Variants in INO80 observed in about 807,000 individuals in gnomAD.
The protein encoded by INO80 is INO80 complex ATPase subunit.
INO80 carries 20 observed loss-of-function variants against 203.4 expected under a neutral mutation model. The observed-to-expected ratio is 0.10, with a 90% CI of 0.07 to 0.14. The LOEUF is 0.14. Among genes scored for constraint, INO80 ranks in the 10% least tolerant of loss-of-function variants. INO80 has a pLI of 1.00. For synonymous variants in INO80, 726 were observed against 685.2 expected (o/e 1.06, Z -0.93); for missense variants, 1,419 against 1,914.4 (o/e 0.74, Z 4.83).
intron 29 of INO80, among the ~76,000 whole-genome samples, chr15:40,990,780 G>T (rs1410666864): frequency 6.6e-6 from 1 of 152,276 alleles, no homozygotes; most frequent in South Asian, 2.1e-4. Context: ...TGAACTTTCA[G>T]GGAGAACAGA....
intron 1 of INO80, among the ~76,000 whole-genome samples, chr15:41,104,868 T>C (rs1002437465): frequency 6.6e-6 from 1 of 152,164 alleles, no homozygotes; most frequent in Non-Finnish European, 1.5e-5. Flanking sequence ...TTGTACAGAA[T>C]TATGTATTCT....
In INO80 at chr15:41,035,337, G is replaced by A. The variant is rs538353925; in HGVS notation, c.2908-7601C>T. Among the ~76,000 whole-genome samples, 5 of 152,244 alleles carry A rather than the reference G, an allele frequency of 3.3e-5. No homozygotes were observed. The South Asian group carries it at 1.0e-3, about 32-fold the overall frequency. On this transcript the variant is annotated intron_variant, in intron 24 of 35. Coordinates refer to ENST00000648947, the MANE Select transcript of INO80 (RefSeq NM_017553.3). ...CACACCTGATCCTAACACTCTGGGA[G>A]GCTGAGGCAGGGGAATCCCTTGAGG... is the stretch of plus-strand genomic sequence containing the variant.
chr15:41,037,199 CT>C (rs796785451), intron 24 of INO80, among the ~76,000 whole-genome samples: 398 of 142,178 alleles, frequency 2.8e-3, no homozygotes, highest in Middle Eastern at 0.011. Flanking sequence ...CTTAATAGGA[CT>C]TTTTTTTTTT....
chr15:41,057,665 T>A (rs900195784), intron 16 of INO80, among the ~76,000 whole-genome samples: 1 of 150,520 alleles, frequency 6.6e-6, no homozygotes, highest in Non-Finnish European at 1.5e-5. Context: ...GACATGGTGG[T>A]GAGCACTTGT....
At chr15:40,989,881 T>C (rs1246664819) in intron 29 of INO80, among the ~76,000 whole-genome samples, 1 of 152,216 alleles carries the variant, frequency 6.6e-6, no homozygotes, top group Non-Finnish European at 1.5e-5. Flanking sequence ...ACACCTCTTA[T>C]TGCTCAAGCT....
intron 27 of INO80, among the ~76,000 whole-genome samples, chr15:41,013,472 C>T (rs529075289): frequency 1.3e-5 from 2 of 152,248 alleles, no homozygotes; most frequent in East Asian, 3.9e-4. Context: ...CTGAAAAACA[C>T]TCTTTCAAAG....
chr15:41,103,002 C>A (rs1269847206), intron 1 of INO80, among the ~76,000 whole-genome samples: 1 of 152,178 alleles, frequency 6.6e-6, no homozygotes, highest in African/African-American at 2.4e-5. Context: ...GCACAGCATA[C>A]AATCCACATT....
chr15:41,079,510 C>CG (rs1335353827), intron 9 of INO80, among the ~76,000 whole-genome samples, 191 bp downstream of exon 9: 1 of 147,796 alleles, frequency 6.8e-6, no homozygotes, highest in East Asian at 2.0e-4. Context: ...TCAAGGCAGG[C>CG]GGATCACTCG....
intron 33 of INO80, 96 bp from the exon 34 acceptor site, chr15:40,984,017 T>G: frequency 2.7e-6 from 4 of 1,480,376 alleles, no homozygotes; most frequent in Non-Finnish European, 3.7e-6. Flanking sequence ...TGAGGCTGCT[T>G]TGGCTTCTGA....
intron 26 of INO80, chr15:41,018,877 C>CT (rs1471422351): frequency 2.0e-5 from 3 of 152,184 alleles, no homozygotes; most frequent in African/African-American, 7.2e-5. Context: ...CCAGACCCTT[C>CT]TTTAAAACAG....
chr15:41,024,276 G>A (rs995626921), intron 25 of INO80, among the ~76,000 whole-genome samples: 5 of 152,172 alleles, frequency 3.3e-5, no homozygotes, highest in Admixed American at 3.3e-4. Context: ...TTGTAAGTAT[G>A]TAAGCAATGT....
intron 19 of INO80, among the ~76,000 whole-genome samples, chr15:41,051,913 G>A (rs986131098): frequency 9.9e-5 from 15 of 152,076 alleles, no homozygotes; most frequent in Middle Eastern, 3.4e-3. Flanking sequence ...AGCTGAGATC[G>A]CGCCACTGCA....
intron 23 of INO80, among the ~76,000 whole-genome samples, chr15:41,046,210 T>TATATATATATATAC (rs2044761652): frequency 2.9e-4 from 1 of 3,454 alleles, no homozygotes; most frequent in African/African-American, 6.0e-4. Flanking sequence ...TACATACATA[T>TATATATATATATAC]ATATATATAT....
At chr15:41,007,928 C>G (rs2044074205) in intron 27 of INO80, among the ~76,000 whole-genome samples, 1 of 152,182 alleles carries the variant, frequency 6.6e-6, no homozygotes, top group East Asian at 1.9e-4. Context: ...AATCCCAGCA[C>G]TGTGGAAGGT....
chr15:41,099,629 A>C (rs1363820831), intron 1 of INO80, among the ~76,000 whole-genome samples: 1 of 152,050 alleles, frequency 6.6e-6, no homozygotes, highest in Non-Finnish European at 1.5e-5. Flanking sequence ...AAAAAATTTA[A>C]AAATTAGCTG....
At chr15:41,034,357 G>C (rs1051617625) in intron 24 of INO80, among the ~76,000 whole-genome samples, 1 of 152,174 alleles carries the variant, frequency 6.6e-6, no homozygotes, top group Non-Finnish European at 1.5e-5. Context: ...AGAAGAAGGG[G>C]AGGACTGGGT....
At chr15:41,013,986 T>C (rs1318874380) in intron 27 of INO80, among the ~76,000 whole-genome samples, 7 of 152,148 alleles carry the variant, frequency 4.6e-5, no homozygotes, top group African/African-American at 7.2e-5. Context: ...GGATTATAGA[T>C]AGAGAGGAAG....
chr15:41,049,789 G>C (rs2044835203), intron 20 of INO80, 146 bp downstream of exon 20: 4 of 711,772 alleles, frequency 5.6e-6, no homozygotes, highest in Non-Finnish European at 2.3e-6. Context: ...GGGAGGCTGA[G>C]GCAGGAGAAT....
intron 24 of INO80, among the ~76,000 whole-genome samples, chr15:41,029,957 G>A (rs1265616315): frequency 6.6e-6 from 1 of 152,168 alleles, no homozygotes; most frequent in Non-Finnish European, 1.5e-5. Context: ...CTGCCAGCTG[G>A]GACATCCACT....
Sources: allele counts gnomAD v4.1 joint callset (sites outside exome capture counted in the v4.1 genomes callset), GRCh38; gene constraint gnomAD v4.1.1; transcripts MANE v1.5; gene names NCBI Gene and HGNC (gene_info 2026-07-23, HGNC 2026-07-21).